Variants in TNRC6B observed in about 807,000 individuals in gnomAD.
TNRC6B encodes the protein trinucleotide repeat containing adaptor 6B.
Under a neutral mutation model 203.6 loss-of-function variants are expected in TNRC6B, and 52 were observed. The ratio of observed to expected loss-of-function variants is 0.26; its 90% confidence interval spans 0.20 to 0.32. TNRC6B has a LOEUF of 0.32. Ranked by LOEUF, TNRC6B falls within the 10% of genes least tolerant of loss-of-function variation. TNRC6B has a pLI of 1.00. For missense variants in TNRC6B, 1,923 were observed against 2,286.2 expected, an observed-to-expected ratio of 0.84 and a Z score of 3.24; for synonymous variants, 838 against 845.7, an observed-to-expected ratio of 0.99 and a Z score of 0.16.
At chr22:40,208,141 CAAG>C (rs2069511325) in intron 1 of TNRC6B, among the ~76,000 whole-genome samples, 1 of 130,420 alleles carries the variant, frequency 7.7e-6, no homozygotes, top group African/African-American at 2.5e-5. Context: ...AACAAAAAAA[CAAG>C]AAAAAAACAA....
intron 3 of TNRC6B, among the ~76,000 whole-genome samples, chr22:40,155,665 C>T (rs540862448): frequency 5.3e-5 from 8 of 151,996 alleles, no homozygotes; most frequent in African/African-American, 1.7e-4. Flanking sequence ...TGCTGCATAC[C>T]CTTGTCAACA....
intron 19 of TNRC6B, among the ~76,000 whole-genome samples, chr22:40,313,385 A>G (rs534700497): frequency 6.6e-6 from 1 of 152,326 alleles, no homozygotes; most frequent in South Asian, 2.1e-4. Context: ...GCTTTTCTCT[A>G]AAAATCCTCC....
Position 40,315,954 on chromosome 22 carries a change from G to A in TNRC6B, c.4916G>A (p.Ser1639Asn), listed in dbSNP as rs768182731. Reference sequence around the variant, plus strand: ...TGGTTGCTCATAGCCTCTACCTGGAGTGATGGTGGCTCAGTTCGTCCTAGT... The same window carrying A: ...TGGTTGCTCATAGCCTCTACCTGGAATGATGGTGGCTCAGTTCGTCCTAGT... ...DSRLASASTW[S>N]DGGSVRPSYW... The change falls in exon 21 of 23, where the codon AGT (serine) becomes AAT (asparagine). Residue 1639 changes from serine to asparagine, a missense_variant. This residue lies in a region of TNRC6B where 159 missense variants were observed against 181.0 expected (regional missense o/e 0.88). Coordinates refer to ENST00000454349, the MANE Select transcript of TNRC6B (RefSeq NM_001162501.2). 8 of 1,613,736 alleles carry A rather than the reference G, an allele frequency of 5.0e-6. No homozygotes were observed. Among genetic ancestry groups the A allele is most frequent in the Non-Finnish European group, 5.9e-6 (7 of 1,179,822 alleles).
rs59901929 is a variant in TNRC6B at position 40,146,561 on chromosome 22, AT to A, written c.46-9531del. Among the ~76,000 whole-genome samples, 246 of 109,218 alleles carry A rather than the reference AT, an allele frequency of 2.3e-3. 2 individuals are homozygous for A. Among genetic ancestry groups the A allele is most frequent in the Admixed American group, 9.4e-3 (87 of 9,224 alleles). The allele number at this position is 109,218 out of a possible 152,430, so 71.7% of individuals were successfully genotyped here. ...AGGCATGTGCCACCACGCCCGGCTAATTTTTTTTTTTTTTTTTTTTTTTGAG... is the reference window on the plus strand; with the variant it reads ...AGGCATGTGCCACCACGCCCGGCTAATTTTTTTTTTTTTTTTTTTTTTGAG... On this transcript the variant is annotated intron_variant, in intron 3 of 23. Coordinates refer to the TNRC6B transcript ENST00000301923.
At chr22:40,237,979 G>A (rs923850967) in intron 1 of TNRC6B, among the ~76,000 whole-genome samples, 3 of 152,020 alleles carry the variant, frequency 2.0e-5, no homozygotes, top group Admixed American at 6.6e-5. Flanking sequence ...AGGTCAGTGC[G>A]TGGCATATCA....
At chr22:40,045,581 G>A (rs1233434723) in intron 1 of TNRC6B, 2 of 152,236 alleles carry the variant, frequency 1.3e-5, no homozygotes, top group Admixed American at 1.3e-4. Context: ...CAGGACCTGC[G>A]TGACAAGGTG....
chr22:40,234,778 T>C (rs1054655988), intron 1 of TNRC6B, among the ~76,000 whole-genome samples: 18 of 152,228 alleles, frequency 1.2e-4, no homozygotes, highest in African/African-American at 4.1e-4. Context: ...CTTAGAATGA[T>C]TTTTATGCCC....
chr22:40,077,983 A>G (rs2068033005), intron 1 of TNRC6B, among the ~76,000 whole-genome samples: 1 of 152,194 alleles, frequency 6.6e-6, no homozygotes, highest in Admixed American at 6.5e-5. Context: ...GATTAGTGTC[A>G]ACAACATTGC....
At chr22:40,225,967 T>C (rs2069780012) in intron 1 of TNRC6B, among the ~76,000 whole-genome samples, 1 of 152,172 alleles carries the variant, frequency 6.6e-6, no homozygotes. Flanking sequence ...CACAGGTAAA[T>C]GTTGGCTTAG....
chr22:40,253,102 CTTT>C (rs67113294), intron 3 of TNRC6B, among the ~76,000 whole-genome samples: 1 of 141,946 alleles, frequency 7.0e-6, no homozygotes. Flanking sequence ...TTCTTTTTTT[CTTT>C]TTTTTTTTTT....
intron 3 of TNRC6B, among the ~76,000 whole-genome samples, chr22:40,130,645 G>C (rs1340836840): frequency 6.6e-6 from 1 of 150,750 alleles, no homozygotes; most frequent in Non-Finnish European, 1.5e-5. Context: ...AAATTAGCCG[G>C]GCGAGGTGGC....
Position 40,265,746 on chromosome 22 carries a change from G to T in TNRC6B, c.1516G>T (p.Val506Phe), listed in dbSNP as rs1412700883. The stretch of plus-strand genomic sequence containing the variant: ...TGAAGGGAACAAAATGACATCTGGG[G>T]TCTCTCAGGGAGAATGGAAACAGCC... ...WGEGNKMTSG[V>F]SQGEWKQPTG... The change falls in exon 5 of 23, where the codon GTC becomes TTC. Residue 506 changes from valine to phenylalanine, a missense_variant. Transcript: ENST00000454349. 1.2e-6 allele frequency: 2 copies of T among 1,613,992 alleles called. No homozygotes were observed. Among genetic ancestry groups the T allele is most frequent in the South Asian group, 1.1e-5 (1 of 91,086 alleles).
chr22:40,073,288 G>A (rs5995808), intron 1 of TNRC6B, among the ~76,000 whole-genome samples: 1 of 151,720 alleles, frequency 6.6e-6, no homozygotes, highest in African/African-American at 2.4e-5. Context: ...TATAGAACAC[G>A]TTTTTTGTTA....
intron 1 of TNRC6B, among the ~76,000 whole-genome samples, chr22:40,067,245 A>T (rs1423832452): frequency 6.6e-6 from 1 of 152,110 alleles, no homozygotes; most frequent in Non-Finnish European, 1.5e-5. Flanking sequence ...TTACCTGTAC[A>T]GTTTATAATG....
At chr22:40,219,129 G>T (rs1174721209) in intron 1 of TNRC6B, among the ~76,000 whole-genome samples, 1 of 152,156 alleles carries the variant, frequency 6.6e-6, no homozygotes. Context: ...CATTGTATAG[G>T]ATTTGTTTAC....
At chr22:40,076,269 T>A (rs1278939855) in intron 1 of TNRC6B, among the ~76,000 whole-genome samples, 1 of 152,076 alleles carries the variant, frequency 6.6e-6, no homozygotes, top group Non-Finnish European at 1.5e-5. Context: ...ATACAAAAAT[T>A]AGGCAGACAT....
At chr22:40,198,237 A>G (rs1328149505) in intron 1 of TNRC6B, among the ~76,000 whole-genome samples, 1 of 152,192 alleles carries the variant, frequency 6.6e-6, no homozygotes, top group Non-Finnish European at 1.5e-5. Flanking sequence ...TACACTATTA[A>G]TTTACTTAGC....
chr22:40,072,387 T>A (rs1240532410), intron 1 of TNRC6B, among the ~76,000 whole-genome samples: 2 of 152,240 alleles, frequency 1.3e-5, no homozygotes, highest in African/African-American at 4.8e-5. Context: ...GATGTCATCC[T>A]ACTAATTATT....
At chr22:40,314,482 A>G (rs1010765594) in intron 19 of TNRC6B, among the ~76,000 whole-genome samples, 3 of 152,206 alleles carry the variant, frequency 2.0e-5, no homozygotes, top group Admixed American at 6.5e-5. Flanking sequence ...GAACTGTTCA[A>G]CCAAAATTGG....
Sources: gnomAD v4.1 joint callset for allele counts (sites outside exome capture counted in the v4.1 genomes callset) on GRCh38, gnomAD v4.1.1 for gene constraint, gnomAD v4.1.1 regional missense constraint, MANE v1.5 for transcripts, NCBI Gene and HGNC (gene_info 2026-07-23, HGNC 2026-07-21) for gene names.